METAP1D: variants seen among roughly 807,000 people sequenced by gnomAD.
METAP1D encodes the protein methionine aminopeptidase 1D, mitochondrial.
Under a neutral mutation model 40.5 loss-of-function variants are expected in METAP1D, and 31 were observed. The ratio of observed to expected loss-of-function variants is 0.77; its 90% CI spans 0.58 to 1.03. The LOEUF is 1.03. Ranked by LOEUF, METAP1D falls within the 50% of genes least tolerant of loss-of-function variation. The pLI is 0.00. For missense variants in METAP1D, 411 were observed against 420.7 expected, an observed-to-expected ratio of 0.98 and a Z score of 0.20; for synonymous variants, 151 against 146.4, an observed-to-expected ratio of 1.03 and a Z score of -0.22.
intron 6 of METAP1D, among the ~76,000 whole-genome samples, chr2:172,071,615 T>C (rs1265904888): frequency 6.6e-6 from 1 of 152,200 alleles, no homozygotes; most frequent in Non-Finnish European, 1.5e-5. Flanking sequence ...CCGTTGTTTA[T>C]TTTTCACAGA....
intron 1 of METAP1D, chr2:172,021,697 C>G (rs1041541669): frequency 1.3e-5 from 2 of 152,214 alleles, no homozygotes; most frequent in Non-Finnish European, 2.9e-5. Context: ...ATTGACAGGA[C>G]AGGGTCAGGC....
intron 1 of METAP1D, among the ~76,000 whole-genome samples, chr2:172,002,012 G>A (rs1424752448): frequency 2.8e-5 from 4 of 145,190 alleles, no homozygotes; most frequent in Admixed American, 1.4e-4. Flanking sequence ...GGGAGGGATC[G>A]CCTGAACCCA....
intron 1 of METAP1D, among the ~76,000 whole-genome samples, chr2:172,024,248 T>C (rs1486299215): frequency 1.3e-5 from 2 of 152,182 alleles, no homozygotes; most frequent in East Asian, 1.9e-4. Flanking sequence ...GTACTGGTTT[T>C]TGCTCATTTA....
intron 1 of METAP1D, among the ~76,000 whole-genome samples, chr2:172,001,267 C>T (rs1315211766): frequency 6.6e-6 from 1 of 151,874 alleles, no homozygotes; most frequent in East Asian, 1.9e-4. Flanking sequence ...AGCCTGGGCA[C>T]GGTGGCTCAC....
chr2:172,014,631 T>C lies in METAP1D; in HGVS notation c.40+14622T>C, dbSNP rs925622577. ...CACTTATTTTTTACAATGTGGTAAT[T>C]TTTACATCCAGATAGTTTTTCATCT... On this transcript the variant is annotated intron_variant, in intron 1 of 9. Coordinates refer to ENST00000315796, the MANE Select transcript of METAP1D (RefSeq NM_199227.3). Among the ~76,000 whole-genome samples, 3 of 152,120 alleles carry C rather than the reference T, an allele frequency of 2.0e-5. No individual in the cohort carries two copies. In the East Asian group the frequency reaches 5.8e-4, roughly 29 times the overall value.
At chr2:172,016,846 C>A (rs1266170094) in intron 1 of METAP1D, among the ~76,000 whole-genome samples, 1 of 151,838 alleles carries the variant, frequency 6.6e-6, no homozygotes, top group Non-Finnish European at 1.5e-5. Flanking sequence ...ATTCTCTAGG[C>A]CCTTTCCTCC....
At chr2:172,060,397 A>T (rs1191289196) in intron 1 of METAP1D, among the ~76,000 whole-genome samples, 1 of 149,332 alleles carries the variant, frequency 6.7e-6, no homozygotes, top group Non-Finnish European at 1.5e-5. Context: ...AGCCTGGGCG[A>T]CAGAGCAAGA....
rs1178090259 is a variant in METAP1D, at chr2:172,065,750, C to T, written c.495C>T (p.Asp165=). ...ACGTGCTCTGTCATGGTATTCCTGA[C>T]AGGTATTCAGTTCTTAATAACATAT... is the stretch of plus-strand genomic sequence containing the variant. ...VNNVLCHGIP[D]SRPLQDGDII... is the part of the protein sequence containing the mutation. Residue 165 remains aspartate, a splice_region_variant and synonymous_variant, in exon 4 of 10, where the codon GAC becomes GAT. Coordinates refer to ENST00000315796, the MANE Select transcript of METAP1D (RefSeq NM_199227.3). 1 of 1,613,300 alleles carries T rather than the reference C, an allele frequency of 6.2e-7. No homozygotes were observed. Among genetic ancestry groups the T allele is most frequent in the Non-Finnish European group, 8.5e-7 (1 of 1,179,698 alleles).
chr2:172,025,808 T>C (rs1023370313), intron 1 of METAP1D, among the ~76,000 whole-genome samples: 1 of 152,116 alleles, frequency 6.6e-6, no homozygotes, highest in Non-Finnish European at 1.5e-5. Context: ...GGACTCAGCG[T>C]GCCTGTCTTC....
At chr2:172,027,471 A>T (rs115938658) in intron 1 of METAP1D, among the ~76,000 whole-genome samples, 72 of 152,316 alleles carry the variant, frequency 4.7e-4, no homozygotes, top group African/African-American at 1.6e-3. Flanking sequence ...TAGCATAGGG[A>T]TGTAGTAGGT....
At chr2:172,065,405 A>G (rs1690249134) in intron 3 of METAP1D, among the ~76,000 whole-genome samples, 199 bp from the exon 4 acceptor site, 2 of 152,224 alleles carry the variant, frequency 1.3e-5, no homozygotes. Flanking sequence ...CCATAACACC[A>G]TCATATGCCC....
intron 1 of METAP1D, among the ~76,000 whole-genome samples, chr2:172,033,834 T>A: frequency 6.9e-6 from 1 of 145,806 alleles, no homozygotes; most frequent in Middle Eastern, 3.2e-3. Flanking sequence ...TCCAGCACTT[T>A]GGGAGGCCGA....
At chr2:172,019,418 T>C (rs949619537) in intron 1 of METAP1D, among the ~76,000 whole-genome samples, 5 of 152,054 alleles carry the variant, frequency 3.3e-5, no homozygotes, top group Non-Finnish European at 7.4e-5. Context: ...AATACTATTT[T>C]TAAAAACTTT....
At chr2:172,079,110 A>C (rs1431940947) in intron 7 of METAP1D, 105 bp from the exon 8 acceptor site, 3 of 1,181,476 alleles carry the variant, frequency 2.5e-6, no homozygotes, top group Non-Finnish European at 3.7e-6. Flanking sequence ...AAAGAAGAGA[A>C]ATAAAACGAC....
chr2:172,029,972 T>C (rs1170974261), intron 1 of METAP1D, among the ~76,000 whole-genome samples: 1 of 152,190 alleles, frequency 6.6e-6, no homozygotes, highest in African/African-American at 2.4e-5. Flanking sequence ...GCCAGGCTGG[T>C]CTCAAACTCC....
At chr2:172,061,736 T>C in intron 2 of METAP1D, 81 bp downstream of exon 2, 4 of 1,269,392 alleles carry the variant, frequency 3.2e-6, no homozygotes, top group Non-Finnish European at 4.2e-6. Flanking sequence ...TTTTTGCACC[T>C]TTGATTTCTG....
rs1193300685 is a variant in METAP1D, at chr2:172,043,944, A to C, written c.41-17554A>C. 2.2e-5 allele frequency among the ~76,000 whole-genome samples: 3 copies of C among 134,376 alleles called. 1 individual carries two copies. The highest frequency in any genetic ancestry group is 5.2e-5 in the Non-Finnish European group (3 of 57,618). The allele number at this position is 134,376 out of a possible 152,430, so 88.2% of individuals were successfully genotyped here. On this transcript the variant is annotated intron_variant, in intron 1 of 9. Transcript: ENST00000315796. ...ACCCTGTCTCTGCAAAATAAAAAAA[A>C]ATATTGGGCATGGTGGCATGTGCCT... is the stretch of plus-strand genomic sequence containing the variant.
chr2:172,036,265 C>T (rs1210091957), intron 1 of METAP1D, among the ~76,000 whole-genome samples: 1 of 146,506 alleles, frequency 6.8e-6, no homozygotes, highest in Non-Finnish European at 1.5e-5. Context: ...TGCAGAGAGC[C>T]GAGATCGCGC....
chr2:172,054,481 T>C (rs969013691), intron 1 of METAP1D, among the ~76,000 whole-genome samples: 5 of 151,954 alleles, frequency 3.3e-5, no homozygotes, highest in Non-Finnish European at 7.4e-5. Flanking sequence ...ATCGTGCTAC[T>C]GCACTCTAGC....
Sources: allele counts gnomAD v4.1 joint callset (sites outside exome capture counted in the v4.1 genomes callset), GRCh38; gene constraint gnomAD v4.1.1; transcripts MANE v1.5; gene names NCBI Gene and HGNC (gene_info 2026-07-23, HGNC 2026-07-21).